The following SRC variants were observed in gnomAD, a reference collection of about 807,000 sequenced individuals.
SRC encodes proto-oncogene tyrosine-protein kinase Src.
Under a neutral mutation model 62.9 loss-of-function variants are expected in SRC, and 13 were observed. The ratio of observed to expected loss-of-function variants is 0.21; its 90% CI spans 0.13 to 0.33. SRC has a LOEUF of 0.33. Ranked by LOEUF, SRC falls within the 10% of genes least tolerant of loss-of-function variation. The pLI is 1.00. For synonymous variants in SRC, 302 were observed against 317.5 expected (o/e 0.95, Z 0.52); for missense variants, 457 against 737.3 (o/e 0.62, Z 4.40).
chr20:37,354,900 T>C (rs2069858799), intron 1 of SRC, among the ~76,000 whole-genome samples: 1 of 152,240 alleles, frequency 6.6e-6, no homozygotes, highest in Non-Finnish European at 1.5e-5. Flanking sequence ...GAAGGCTTGA[T>C]GTGCTCATTC....
chr20:37,396,269 A>T lies in SRC; in HGVS notation c.661A>T (p.Thr221Ser). The T allele has an allele frequency of 6.2e-7, 1 of 1,613,542 alleles. No individual in the cohort carries two copies. Among genetic ancestry groups the T allele is most frequent in the Admixed American group, 1.7e-5 (1 of 60,006 alleles). The change falls in exon 8 of 14, where the codon ACC becomes TCC. Residue 221 changes from threonine (T) to serine (S), a missense_variant. Physicochemically the swap from Thr to Ser is moderately conservative, Grantham distance 58. Coordinates refer to ENST00000373578, the MANE Select transcript of SRC (RefSeq NM_198291.3). The surrounding 1 kb of genome is among the most constrained non-coding windows in gnomAD (Gnocchi z 6.1). ...CGGCGGCTTCTACATCACCTCCCGC[A>T]CCCAGTTCAACAGCCTGCAGCAGCT... The part of the protein sequence containing the change: ...DSGGFYITSR[T>S]QFNSLQQLVA...
intron 1 of SRC, among the ~76,000 whole-genome samples, chr20:37,356,390 T>C (rs2069882066): frequency 6.6e-6 from 1 of 151,910 alleles, no homozygotes; most frequent in East Asian, 1.9e-4. Context: ...ACATTCTGGG[T>C]AGTGTCTGGG....
upstream of SRC, among the ~76,000 whole-genome samples, chr20:37,345,606 A>G (rs138892392): frequency 2.4e-3 from 359 of 152,302 alleles, 1 homozygote; most frequent in African/African-American, 7.3e-3. Context: ...GCTAAAGTCC[A>G]AGGCCTGGTT....
chr20:37,392,029 G>A lies in SRC; in HGVS notation c.351-1866G>A, dbSNP rs114120891. Among the ~76,000 whole-genome samples the A allele has an allele frequency of 3.5e-3, 529 of 152,192 alleles. 3 individuals are homozygous for A. Among genetic ancestry groups the A allele is most frequent in the African/African-American group, 0.011 (454 of 41,522 alleles). Reference sequence around the variant, plus strand: ...TGGGAGAGACAAGTGTGGACACCCCGGGTGGGTGTACAACAAGGAGGTGGG... The same window carrying A: ...TGGGAGAGACAAGTGTGGACACCCCAGGTGGGTGTACAACAAGGAGGTGGG... On this transcript the variant is annotated intron_variant, in intron 5 of 13. Coordinates refer to ENST00000373578, the MANE Select transcript of SRC (RefSeq NM_198291.3).
chr20:37,404,992 T>A lies in SRC; in HGVS notation c.*1613T>A. 1 of 191,308 alleles carries A rather than the reference T, an allele frequency of 5.2e-6. No individual in the cohort carries two copies. Among genetic ancestry groups the A allele is most frequent in the Non-Finnish European group, 1.1e-5 (1 of 93,726 alleles). 11.9% of individuals were successfully genotyped at this position (191,308 alleles called of 1,614,324 possible). On this transcript the variant is annotated 3_prime_UTR_variant, in exon 14 of 14. Coordinates refer to ENST00000373578, the MANE Select transcript of SRC (RefSeq NM_198291.3). ...TGTTGTACATTTCACCATGGCCCCC[T>A]CATCATAGCAATAACATTCCCACTG...
intron 5 of SRC, among the ~76,000 whole-genome samples, chr20:37,392,364 C>G (rs1451718267): frequency 1.3e-5 from 2 of 152,206 alleles, no homozygotes; most frequent in African/African-American, 2.4e-5. Context: ...CTCAACTTCT[C>G]CATCTTCTAT....
At chr20:37,372,355 TC>T (rs2070179932) in intron 2 of SRC, among the ~76,000 whole-genome samples, 5 of 152,188 alleles carry the variant, frequency 3.3e-5, no homozygotes, top group Admixed American at 3.3e-4. Flanking sequence ...TTTTACCACA[TC>T]CATATATTTG....
rs138822809 is a variant in SRC at position 37,352,253 on chromosome 20, C to G, written c.-247+5998C>G. On this transcript the variant is annotated intron_variant, in intron 1 of 13. Coordinates refer to ENST00000373578, the MANE Select transcript of SRC (RefSeq NM_198291.3). The stretch of plus-strand genomic sequence containing the variant: ...TGTGCCAAGTGCTTGGGCGCAGGGC[C>G]TGCACTCAGGAAGTGCATGATATTT... Among the ~76,000 whole-genome samples the G allele has an allele frequency of 9.7e-3, 1,478 of 152,330 alleles. 16 individuals carry two copies. Among genetic ancestry groups the G allele is most frequent in the South Asian group, 0.042 (201 of 4,826 alleles).
At chr20:37,355,031 G>A (rs1321087769) in intron 1 of SRC, among the ~76,000 whole-genome samples, 8 of 152,178 alleles carry the variant, frequency 5.3e-5, no homozygotes, top group Non-Finnish European at 1.0e-4. Context: ...GTGAGCACAG[G>A]CTTGGAGGTG....
intron 2 of SRC, among the ~76,000 whole-genome samples, chr20:37,371,127 T>G (rs749151086): frequency 3.9e-5 from 6 of 152,122 alleles, no homozygotes; most frequent in Non-Finnish European, 5.9e-5. Context: ...TAGCTGGGAT[T>G]ACAGGCATGT....
upstream of SRC, among the ~76,000 whole-genome samples, chr20:37,345,302 A>T (rs1316099871): frequency 6.6e-6 from 1 of 151,924 alleles, no homozygotes; most frequent in Admixed American, 6.6e-5. Context: ...GTAAGAGGGG[A>T]GTCTTTGTGG....
At chr20:37,359,239 G>A (rs1224958778) in intron 1 of SRC, among the ~76,000 whole-genome samples, 3 of 152,228 alleles carry the variant, frequency 2.0e-5, no homozygotes, top group East Asian at 1.9e-4. Context: ...CCATCCGTCG[G>A]TCTATCCATC....
chr20:37,354,343 A>T (rs191669775), intron 1 of SRC, among the ~76,000 whole-genome samples: 76 of 152,204 alleles, frequency 5.0e-4, no homozygotes, highest in African/African-American at 1.8e-3. Flanking sequence ...CAGTTTCTTT[A>T]TCTGGGAAAT....
chr20:37,394,591 A>G (rs951841028), intron 7 of SRC, among the ~76,000 whole-genome samples: 4 of 152,068 alleles, frequency 2.6e-5, no homozygotes, highest in Non-Finnish European at 5.9e-5. Context: ...TGCTGCTACA[A>G]TGAGCCCCGC....
At chr20:37,393,183 G>A (rs1051880752) in intron 5 of SRC, among the ~76,000 whole-genome samples, 1 of 152,136 alleles carries the variant, frequency 6.6e-6, no homozygotes, top group African/African-American at 2.4e-5. Context: ...AGGGCTCACT[G>A]TGTGACTTTG....
rs1419463003 is a variant in SRC, at chr20:37,404,949, CG to C, written c.*1571del. 2 of 227,788 alleles carry C rather than the reference CG, an allele frequency of 8.8e-6. No homozygotes were observed. The highest frequency in any genetic ancestry group is 4.6e-5 in the African/African-American group (2 of 43,612). The allele number at this position is 227,788 out of a possible 1,614,324, so 14.1% of individuals were successfully genotyped here. On this transcript the variant is annotated 3_prime_UTR_variant, in exon 14 of 14. Transcript: ENST00000373578. ...ATTTAACATGTAAAAATGTCCCCCC[CG>C]CTCCGTCCCCCAAACATGTTGTACA...
At chr20:37,381,516 T>A (rs1341420815) in intron 2 of SRC, among the ~76,000 whole-genome samples, 1 of 152,178 alleles carries the variant, frequency 6.6e-6, no homozygotes, top group Non-Finnish European at 1.5e-5. Flanking sequence ...TCCATAAAAA[T>A]TTTTTAAAAA....
chr20:37,375,293 G>C (rs1004508640), intron 2 of SRC, among the ~76,000 whole-genome samples: 2 of 151,288 alleles, frequency 1.3e-5, no homozygotes, highest in African/African-American at 4.9e-5. Context: ...GTGCAGTGCT[G>C]TGATAATGGC....
intron 2 of SRC, among the ~76,000 whole-genome samples, chr20:37,376,661 G>T (rs1046538221): frequency 6.6e-6 from 1 of 152,202 alleles, no homozygotes; most frequent in African/African-American, 2.4e-5. Flanking sequence ...GCGCCACCAT[G>T]CCCAGCTAAT....
Sources: allele counts gnomAD v4.1 joint callset (sites outside exome capture counted in the v4.1 genomes callset), GRCh38; gene constraint gnomAD v4.1.1; non-coding constraint Gnocchi (gnomAD v3.1); transcripts MANE v1.5; gene names NCBI Gene and HGNC (gene_info 2026-07-23, HGNC 2026-07-21).